MARK2: variants seen among roughly 807,000 people sequenced by gnomAD.
MARK2 encodes serine/threonine-protein kinase MARK2.
In MARK2, 16 loss-of-function variants were observed where a neutral mutation model predicts 89.8. That is an observed-to-expected ratio of 0.18 (90% CI 0.12 to 0.27). MARK2 has a LOEUF of 0.27. Ranked by LOEUF, MARK2 falls within the 10% of genes least tolerant of loss-of-function variation. The pLI is 1.00. For missense variants in MARK2, 621 were observed against 1,049.9 expected (o/e 0.59, Z 5.65); for synonymous variants, 382 against 399.5 (o/e 0.96, Z 0.52).
intron 1 of MARK2, chr11:63,888,803 C>T: frequency 7.8e-6 from 10 of 1,277,120 alleles, no homozygotes; most frequent in South Asian, 1.2e-5. Context: ...TGGAAGGTGT[C>T]GCCTGCTCTG....
In MARK2 at chr11:63,847,945, G is replaced by A. The variant is rs914541597; in HGVS notation, c.54+8385G>A. 2.0e-5 allele frequency among the ~76,000 whole-genome samples: 3 copies of A among 151,936 alleles called. No individual in the cohort carries two copies. The East Asian group carries it at 5.8e-4, about 29-fold the overall frequency. ...TCAGTGACATCCCAGGCCTTTTTTCGTCCACGCAATGGGACTGTCTGTCCA... is the reference window on the plus strand; with the variant it reads ...TCAGTGACATCCCAGGCCTTTTTTCATCCACGCAATGGGACTGTCTGTCCA... On this transcript the variant is annotated intron_variant, in intron 1 of 18. Transcript: ENST00000402010.
intron 1 of MARK2, among the ~76,000 whole-genome samples, chr11:63,848,549 ATTTTTTTT>A (rs779169841): frequency 8.1e-6 from 1 of 123,732 alleles, no homozygotes; most frequent in African/African-American, 3.1e-5. Flanking sequence ...CACCCGGCTA[ATTTTTTTT>A]TTTTTTTTTT....
At chr11:63,871,351 G>C (rs1463392434) in intron 1 of MARK2, among the ~76,000 whole-genome samples, 2 of 151,812 alleles carry the variant, frequency 1.3e-5, no homozygotes, top group African/African-American at 4.8e-5. Flanking sequence ...TATTCACCGT[G>C]TGCAGGTGTG....
At chr11:63,899,140 G>A in intron 7 of MARK2, 32 bp downstream of exon 7, 4 of 1,478,582 alleles carry the variant, frequency 2.7e-6, no homozygotes, top group Non-Finnish European at 3.8e-6. Flanking sequence ...GTGCCTTTGA[G>A]TGGGAGCCAG....
At chr11:63,859,845 T>C (rs915446118) in intron 1 of MARK2, among the ~76,000 whole-genome samples, 2 of 152,230 alleles carry the variant, frequency 1.3e-5, no homozygotes, top group Non-Finnish European at 2.9e-5. Context: ...ATGGCCAGGC[T>C]GGTCTTCAAC....
chr11:63,881,139 TAA>T (rs879444353), intron 1 of MARK2, among the ~76,000 whole-genome samples: 1 of 139,064 alleles, frequency 7.2e-6, no homozygotes, highest in African/African-American at 2.6e-5. Context: ...TCCCGTCTAC[TAA>T]AAAAAAAAAA....
intron 1 of MARK2, among the ~76,000 whole-genome samples, chr11:63,860,547 C>CA (rs758490977): frequency 0.015 from 1,697 of 113,778 alleles, 22 homozygotes; most frequent in Middle Eastern, 0.065. Context: ...GACTCCCTCT[C>CA]AAAAAAAAAA....
At chr11:63,907,650 T>C (rs531038582) in intron 17 of MARK2, among the ~76,000 whole-genome samples, 2 of 143,002 alleles carry the variant, frequency 1.4e-5, no homozygotes, top group South Asian at 4.6e-4. Context: ...GGTAGGGGAG[T>C]TGGGAAAGGT....
At chr11:63,864,916 G>GAA in intron 1 of MARK2, among the ~76,000 whole-genome samples, 1 of 152,142 alleles carries the variant, frequency 6.6e-6, no homozygotes, top group Non-Finnish European at 1.5e-5. Context: ...TTTCTTTTGA[G>GAA]ACGAGAGTCT....
At chr11:63,875,080 A>G (rs1378239395) in intron 1 of MARK2, among the ~76,000 whole-genome samples, 2 of 151,156 alleles carry the variant, frequency 1.3e-5, no homozygotes, top group African/African-American at 4.9e-5. Flanking sequence ...CCTCCTGAGT[A>G]GCTGGGACCA....
At chr11:63,895,805 G>A (rs1226771109) in intron 3 of MARK2, among the ~76,000 whole-genome samples, 172 bp downstream of exon 3, 1 of 151,626 alleles carries the variant, frequency 6.6e-6, no homozygotes, top group Non-Finnish European at 1.5e-5. Flanking sequence ...GAGTAGCTGG[G>A]ATTATAGGCA....
At chr11:63,861,828 G>A (rs1329431716) in intron 1 of MARK2, among the ~76,000 whole-genome samples, 1 of 144,608 alleles carries the variant, frequency 6.9e-6, no homozygotes, top group African/African-American at 2.5e-5. Context: ...TGCAACCTCC[G>A]CCTCCCGGGT....
intron 1 of MARK2, chr11:63,888,773 A>G (rs1204189254): frequency 7.3e-6 from 9 of 1,238,266 alleles, no homozygotes; most frequent in Non-Finnish European, 9.3e-6. Context: ...CTGCTTAGCT[A>G]CTTTTCACTG....
Position 63,839,515 on chromosome 11 carries a change from C to T in MARK2, c.9C>T (p.Ser3=). 1 of 1,535,250 alleles carries T rather than the reference C, an allele frequency of 6.5e-7. No individual in the cohort carries two copies. The highest frequency in any genetic ancestry group is 8.8e-7 in the Non-Finnish European group (1 of 1,139,340). Residue 3 remains serine (S), a synonymous_variant, in exon 1 of 19, where the codon AGC becomes AGT. Transcript: ENST00000402010. MS[S]ARTPLPTLNE... is the part of the protein sequence containing the mutation. The stretch of plus-strand genomic sequence containing the variant: ...CCCGAGATACCGGCGCCATGTCCAG[C>T]GCTCGGACCCCCCTACCCACGCTGA...
At chr11:63,842,570 G>A (rs554857773) in intron 1 of MARK2, among the ~76,000 whole-genome samples, 21 of 152,246 alleles carry the variant, frequency 1.4e-4, no homozygotes, top group African/African-American at 4.8e-4. Flanking sequence ...ACAAGGCCAG[G>A]TATATCAAAC....
rs1941721985 is a variant in MARK2, at chr11:63,910,941, T to A, written c.*1704T>A. The A allele has an allele frequency of 6.6e-6, 1 of 152,220 alleles. No individual in the cohort carries two copies. Among genetic ancestry groups the A allele is most frequent in the Non-Finnish European group, 1.5e-5 (1 of 68,070 alleles). The allele number at this position is 152,220 out of a possible 1,614,324, so 9.4% of individuals were successfully genotyped here. A position where few individuals can be genotyped will look rare whatever the true frequency, so the allele number is the denominator to read the frequency against. On this transcript the variant is annotated 3_prime_UTR_variant, in exon 19 of 19. Coordinates refer to ENST00000402010, the MANE Select transcript of MARK2 (RefSeq NM_001039469.3). ...ACCCAGGCAAGGTGGCCCCTCCCCG[T>A]CTAGCCCCCTCCTCCCCAACCCTGC...
At position 63,905,028 on chromosome 11, in the gene MARK2, C is replaced by A. The variant is rs1205349253; in HGVS notation, c.1919C>A (p.Ser640Tyr). The A allele has an allele frequency of 5.0e-6, 8 of 1,613,862 alleles. No homozygotes were observed. The highest frequency in any genetic ancestry group is 6.8e-6 in the Non-Finnish European group (8 of 1,179,802). ...GGGAGCATCTTCAGCAAGTTCACCT[C>A]CAAGTTTGTACGCAGGTAAGCAAGG... is the stretch of plus-strand genomic sequence containing the variant. ...ASGSIFSKFTSKFVRRNLSFR... is the reference protein window; with the variant it reads ...ASGSIFSKFTYKFVRRNLSFR... The change falls in exon 16 of 19, where the codon TCC becomes TAC. Residue 640 changes from serine (S) to tyrosine (Y), a missense_variant. Around this residue, in one of 5 missense-constraint regions of MARK2, gnomAD observed 397 missense variants for 567.8 expected, o/e 0.70. Coordinates refer to ENST00000402010, the MANE Select transcript of MARK2 (RefSeq NM_001039469.3).
At chr11:63,880,685 G>A (rs753106020) in intron 1 of MARK2, among the ~76,000 whole-genome samples, 3 of 152,170 alleles carry the variant, frequency 2.0e-5, no homozygotes, top group Non-Finnish European at 2.9e-5. Flanking sequence ...TTTTCCCTCC[G>A]ATGAAAGGAA....
At chr11:63,855,364 T>TG (rs1372287692) in intron 1 of MARK2, among the ~76,000 whole-genome samples, 20 of 152,126 alleles carry the variant, frequency 1.3e-4, no homozygotes, top group Non-Finnish European at 7.4e-5. Flanking sequence ...TCTGCTAAAA[T>TG]GTTTAAAAAA....
Sources: allele counts gnomAD v4.1 joint callset (sites outside exome capture counted in the v4.1 genomes callset), GRCh38; gene constraint gnomAD v4.1.1; regional missense constraint gnomAD v4.1.1; transcripts MANE v1.5; gene names NCBI Gene and HGNC (gene_info 2026-07-23, HGNC 2026-07-21).